Variants in TMPRSS11A observed in about 807,000 individuals in gnomAD.
TMPRSS11A encodes transmembrane serine protease 11A.
Under a neutral mutation model 58.9 loss-of-function variants are expected in TMPRSS11A, and 53 were observed. The ratio of observed to expected loss-of-function variants is 0.90; its 90% confidence interval spans 0.72 to 1.13. The LOEUF (loss-of-function observed/expected upper bound fraction) is 1.13, where lower values mean the gene tolerates loss of function less well. Ranked by LOEUF, TMPRSS11A falls within the 50% of genes most tolerant of loss-of-function variation. The pLI is 0.00. For missense variants in TMPRSS11A, 493 were observed against 499.3 expected, an observed-to-expected ratio of 0.99 and a Z score of 0.12; for synonymous variants, 167 against 169.8, an observed-to-expected ratio of 0.98 and a Z score of 0.13.
chr4:67,946,705 T>A, intron 1 of TMPRSS11A, 134 bp from the exon 2 acceptor site: 1 of 832,596 alleles, frequency 1.2e-6, no homozygotes, highest in Non-Finnish European at 1.7e-6. Flanking sequence ...TTCAATGTCA[T>A]CTTGGTCTGA....
intron 3 of TMPRSS11A, among the ~76,000 whole-genome samples, chr4:67,938,895 T>C (rs997952580): frequency 6.9e-6 from 1 of 144,946 alleles, no homozygotes; most frequent in African/African-American, 2.7e-5. Context: ...TATTGGGGCT[T>C]TTTTTTTTTG....
At chr4:67,929,832 ATG>A (rs746263330) in intron 5 of TMPRSS11A, 46 bp downstream of exon 5, 3 of 1,441,582 alleles carry the variant, frequency 2.1e-6, no homozygotes, top group Non-Finnish European at 2.8e-6. Flanking sequence ...TCGTCAAAAC[ATG>A]GACCTAATAG....
At chr4:67,924,978 T>G (rs1471183973) in intron 5 of TMPRSS11A, among the ~76,000 whole-genome samples, 1 of 151,596 alleles carries the variant, frequency 6.6e-6, no homozygotes, top group Non-Finnish European at 1.5e-5. Context: ...TAAATCTTTT[T>G]TTTTTTTTTT....
intron 9 of TMPRSS11A, among the ~76,000 whole-genome samples, chr4:67,913,427 A>G (rs1720055498): frequency 6.6e-6 from 1 of 152,148 alleles, no homozygotes; most frequent in Non-Finnish European, 1.5e-5. Context: ...CGCTGCCCTG[A>G]TAACTTACTG....
At position 67,944,714 on chromosome 4, in the gene TMPRSS11A, T is replaced by C. The variant is rs1023980106; in HGVS notation, c.134-77A>G. The C allele has an allele frequency of 3.2e-5, 40 of 1,237,476 alleles. No homozygotes were observed. In the African/African-American group the frequency reaches 6.0e-4, roughly 18 times the overall value. The allele number at this position is 1,237,476 out of a possible 1,614,324, so 76.7% of individuals were successfully genotyped here. A position where few individuals can be genotyped will look rare whatever the true frequency, so the allele number is the denominator to read the frequency against. On this transcript the variant is annotated intron_variant, in intron 2 of 9. Coordinates refer to ENST00000508048, the MANE Select transcript of TMPRSS11A (RefSeq NM_001114387.2). ...GAACTCAATTACAATGGGGCCAATA[T>C]AAATCTTGAATATGTCCCTGAGCCT... is the stretch of plus-strand genomic sequence containing the variant.
At chr4:67,954,928 A>C (rs1560575137) in intron 1 of TMPRSS11A, among the ~76,000 whole-genome samples, 1 of 152,244 alleles carries the variant, frequency 6.6e-6, no homozygotes, top group Non-Finnish European at 1.5e-5. Context: ...TGTAACCTAC[A>C]TAGAGTAAAT....
chr4:67,951,553 A>C (rs10866201), intron 1 of TMPRSS11A, among the ~76,000 whole-genome samples: 4 of 150,828 alleles, frequency 2.7e-5, no homozygotes, highest in Non-Finnish European at 5.9e-5. Context: ...TTGTCATTTT[A>C]TCTCTAAGCT....
At chr4:67,961,925 G>GT (rs1233674308) in intron 1 of TMPRSS11A, among the ~76,000 whole-genome samples, 1 of 151,914 alleles carries the variant, frequency 6.6e-6, no homozygotes, top group Non-Finnish European at 1.5e-5. Flanking sequence ...ATATATTAAT[G>GT]TTCATAGAAA....
intron 3 of TMPRSS11A, among the ~76,000 whole-genome samples, chr4:67,941,942 A>G (rs1312693442): frequency 1.3e-5 from 2 of 152,352 alleles, no homozygotes; most frequent in East Asian, 3.9e-4. Context: ...AGTAGAAGAC[A>G]GAATGGATAA....
intron 9 of TMPRSS11A, among the ~76,000 whole-genome samples, chr4:67,913,797 G>T (rs1368074013): frequency 6.6e-6 from 1 of 152,138 alleles, no homozygotes; most frequent in East Asian, 1.9e-4. Flanking sequence ...ACAGTTTGTG[G>T]GACTCTGGAC....
At chr4:67,943,555 A>C (rs1720930679) in intron 3 of TMPRSS11A, among the ~76,000 whole-genome samples, 1 of 152,136 alleles carries the variant, frequency 6.6e-6, no homozygotes, top group South Asian at 2.1e-4. Flanking sequence ...TAACTTAAGA[A>C]CTGATTGCAA....
chr4:67,946,737 A>T (rs6812971), intron 1 of TMPRSS11A, among the ~76,000 whole-genome samples, 166 bp from the exon 2 acceptor site: 44,130 of 151,372 alleles, frequency 0.29, 8,270 homozygotes, highest in African/African-American at 0.51. Context: ...AAAAAAAAAA[A>T]ATCAGGATCT....
At chr4:67,914,085 T>C (rs1720077948) in intron 9 of TMPRSS11A, among the ~76,000 whole-genome samples, 1 of 152,224 alleles carries the variant, frequency 6.6e-6, no homozygotes, top group South Asian at 2.1e-4. Flanking sequence ...CCCTCAGATA[T>C]GAATTGTAAT....
chr4:67,943,361 A>T (rs1384092578), intron 3 of TMPRSS11A, among the ~76,000 whole-genome samples: 13 of 152,212 alleles, frequency 8.5e-5, no homozygotes, highest in Non-Finnish European at 2.9e-5. Flanking sequence ...AATGAAACAA[A>T]TTTCAAAATT....
chr4:67,953,468 T>A (rs892047326), intron 1 of TMPRSS11A, among the ~76,000 whole-genome samples: 1 of 152,172 alleles, frequency 6.6e-6, no homozygotes, highest in Non-Finnish European at 1.5e-5. Flanking sequence ...CCAAATGTAC[T>A]TTTTTACTCC....
intron 2 of TMPRSS11A, among the ~76,000 whole-genome samples, chr4:67,946,208 A>G (rs535732334): frequency 1.1e-3 from 161 of 152,244 alleles, no homozygotes; most frequent in Non-Finnish European, 1.7e-3. Context: ...TGAGAGCTCT[A>G]AGGAAATTAG....
At chr4:67,923,171 G>T (rs900695909) in intron 6 of TMPRSS11A, among the ~76,000 whole-genome samples, 3 of 152,116 alleles carry the variant, frequency 2.0e-5, no homozygotes, top group African/African-American at 7.2e-5. Context: ...CTCTGTCATA[G>T]CATTAATCAC....
At chr4:67,957,719 A>C (rs1230269914) in intron 1 of TMPRSS11A, among the ~76,000 whole-genome samples, 2 of 152,218 alleles carry the variant, frequency 1.3e-5, no homozygotes, top group Non-Finnish European at 2.9e-5. Flanking sequence ...AGAAATTTGC[A>C]TAAGTAATGA....
chr4:67,955,178 A>G (rs1434255528), intron 1 of TMPRSS11A, among the ~76,000 whole-genome samples: 1 of 152,186 alleles, frequency 6.6e-6, no homozygotes, highest in Non-Finnish European at 1.5e-5. Flanking sequence ...TAACCAACAC[A>G]AAGTATACTC....
Sources: gnomAD v4.1 joint callset for allele counts (sites outside exome capture counted in the v4.1 genomes callset) on GRCh38, gnomAD v4.1.1 for gene constraint, MANE v1.5 for transcripts, NCBI Gene and HGNC (gene_info 2026-07-23, HGNC 2026-07-21) for gene names.